NBAS: variants seen among roughly 807,000 people sequenced by gnomAD.
NBAS encodes the protein NBAS subunit of NRZ tethering complex.
NBAS carries 219 observed loss-of-function variants against 302.5 expected under a neutral mutation model. The ratio of observed to expected loss-of-function variants is 0.72; its 90% CI spans 0.65 to 0.81. The LOEUF is 0.81. Ranked by LOEUF, NBAS falls within the 30% of genes least tolerant of loss-of-function variation. NBAS has a pLI of 0.00. For missense variants in NBAS, 2,932 were observed against 2,841.6 expected (o/e 1.03, Z -0.72); for synonymous variants, 1,118 against 1,021.6 (o/e 1.09, Z -1.80).
intron 6 of NBAS, among the ~76,000 whole-genome samples, chr2:15,546,143 A>G (rs1193782363): frequency 6.6e-6 from 1 of 152,240 alleles, no homozygotes; most frequent in Non-Finnish European, 1.5e-5. Context: ...CTTTAAGTGA[A>G]GAAATCAGAT....
intron 26 of NBAS, among the ~76,000 whole-genome samples, chr2:15,398,864 C>T (rs1446296950): frequency 6.6e-6 from 1 of 151,964 alleles, no homozygotes; most frequent in Non-Finnish European, 1.5e-5. Flanking sequence ...AATGGAGTAA[C>T]AAGAAAATAT....
the NBAS span, among the ~76,000 whole-genome samples, chr2:14,920,422 T>C: frequency 6.6e-6 from 1 of 152,218 alleles, no homozygotes; most frequent in Non-Finnish European, 1.5e-5. Flanking sequence ...TAAATGAGCA[T>C]TGGTATCCAC....
chr2:15,533,980 A>G (rs1663358380), intron 9 of NBAS, among the ~76,000 whole-genome samples: 1 of 152,160 alleles, frequency 6.6e-6, no homozygotes, highest in Non-Finnish European at 1.5e-5. Context: ...TATAAAACGT[A>G]TATGGCTTCT....
intron 23 of NBAS, among the ~76,000 whole-genome samples, chr2:15,418,830 G>C (rs144990780): frequency 6.6e-6 from 1 of 152,102 alleles, no homozygotes; most frequent in Non-Finnish European, 1.5e-5. Context: ...TAGGAGGGAC[G>C]GGCCGGATCA....
the NBAS span, among the ~76,000 whole-genome samples, chr2:15,150,287 T>C: frequency 8.5e-5 from 13 of 152,122 alleles, no homozygotes; most frequent in Non-Finnish European, 1.8e-4. Flanking sequence ...ATGAAGAAAT[T>C]GATTGGCTCA....
chr2:14,877,701 A>G, the NBAS span, among the ~76,000 whole-genome samples: 1 of 152,072 alleles, frequency 6.6e-6, no homozygotes, highest in East Asian at 1.9e-4. Context: ...CTTTTTACTA[A>G]CTAGAGCCTG....
At chr2:15,370,301 G>A (rs796151142) in intron 31 of NBAS, among the ~76,000 whole-genome samples, 8 of 152,174 alleles carry the variant, frequency 5.3e-5, no homozygotes, top group African/African-American at 1.7e-4. Flanking sequence ...CATAGGGTAT[G>A]GTTTTAATTT....
At chr2:15,057,743 A>T in the NBAS span, among the ~76,000 whole-genome samples, 1 of 152,212 alleles carries the variant, frequency 6.6e-6, no homozygotes, top group Admixed American at 6.5e-5. Context: ...AGATCATTGC[A>T]AATGCTGTTA....
At chr2:15,460,410 C>T (rs540892036) in intron 21 of NBAS, among the ~76,000 whole-genome samples, 1 of 152,286 alleles carries the variant, frequency 6.6e-6, no homozygotes, top group South Asian at 2.1e-4. Context: ...GCTAGCTTAC[C>T]TCACGTAAAA....
chr2:15,157,357 G>A, the NBAS span, among the ~76,000 whole-genome samples: 3 of 152,046 alleles, frequency 2.0e-5, no homozygotes, highest in South Asian at 2.1e-4. Context: ...CAGAATTATC[G>A]TACACCATAA....
chr2:15,003,298 T>C, the NBAS span, among the ~76,000 whole-genome samples: 1 of 152,202 alleles, frequency 6.6e-6, no homozygotes, highest in Admixed American at 6.5e-5. Context: ...AAGGAGTGTC[T>C]GGATTGGTGA....
chr2:15,054,495 T>A, the NBAS span, among the ~76,000 whole-genome samples: 1 of 152,192 alleles, frequency 6.6e-6, no homozygotes, highest in Non-Finnish European at 1.5e-5. Flanking sequence ...CGCTTTCCAG[T>A]TGAGGAAACT....
rs1218025596 is a variant in NBAS at position 15,386,550 on chromosome 2, T to G, written c.3258-3233A>C. ...TTTTTACGTAGTCTCCCTACAGATC[T>G]GGAATTTAACTGTCCCATACACACA... On this transcript the variant is annotated intron_variant, in intron 28 of 51. Coordinates refer to ENST00000281513, the MANE Select transcript of NBAS (RefSeq NM_015909.4). 3.9e-5 allele frequency among the ~76,000 whole-genome samples: 6 copies of G among 152,176 alleles called. No individual in the cohort carries two copies. In the East Asian group the frequency reaches 1.2e-3, roughly 29 times the overall value.
the NBAS span, among the ~76,000 whole-genome samples, chr2:14,975,892 T>C: frequency 6.6e-6 from 1 of 152,082 alleles, no homozygotes; most frequent in African/African-American, 2.4e-5. Context: ...GACATCCACC[T>C]CAACATATGT....
At chr2:15,426,094 T>C (rs979080692) in intron 22 of NBAS, among the ~76,000 whole-genome samples, 1 of 152,232 alleles carries the variant, frequency 6.6e-6, no homozygotes, top group Admixed American at 6.5e-5. Flanking sequence ...ACAGCAACAG[T>C]ACATTTTATA....
chr2:15,402,786 G>T (rs969217805), intron 25 of NBAS, among the ~76,000 whole-genome samples: 22 of 152,064 alleles, frequency 1.4e-4, no homozygotes, highest in Non-Finnish European at 2.9e-4. Context: ...AACTGTAATA[G>T]ATCAATACAC....
the NBAS span, among the ~76,000 whole-genome samples, chr2:14,799,466 A>C: frequency 2.0e-5 from 3 of 152,072 alleles, no homozygotes; most frequent in African/African-American, 7.2e-5. Context: ...TGACTTTTTA[A>C]TGGCCTACTA....
At chr2:15,270,038 G>A (rs773471854) in intron 44 of NBAS, among the ~76,000 whole-genome samples, 22 of 152,214 alleles carry the variant, frequency 1.4e-4, no homozygotes, top group Admixed American at 5.2e-4. Context: ...CTATTAAGCC[G>A]GACATGAAAA....
intron 38 of NBAS, among the ~76,000 whole-genome samples, chr2:15,315,545 G>A (rs1171598863): frequency 6.6e-6 from 1 of 152,194 alleles, no homozygotes; most frequent in Admixed American, 6.5e-5. Flanking sequence ...AGACACTTCT[G>A]GACAAGTTAT....
Sources: gnomAD v4.1 joint callset for allele counts (sites outside exome capture counted in the v4.1 genomes callset) on GRCh38, gnomAD v4.1.1 for gene constraint, MANE v1.5 for transcripts, NCBI Gene and HGNC (gene_info 2026-07-23, HGNC 2026-07-21) for gene names.